Variants in ZBTB49 observed in about 807,000 individuals in gnomAD.
ZBTB49 encodes zinc finger and BTB domain containing 49.
ZBTB49 carries 43 observed loss-of-function variants against 57.5 expected under a neutral mutation model. That is an observed-to-expected ratio of 0.75 (90% CI 0.59 to 0.97). The LOEUF (loss-of-function observed/expected upper bound fraction) is 0.97, where lower values mean the gene tolerates loss of function less well. Among genes scored for constraint, ZBTB49 ranks in the 50% least tolerant of loss-of-function variants. The pLI is 0.00. For synonymous variants in ZBTB49, 369 were observed against 362.1 expected, an observed-to-expected ratio of 1.02 and a Z score of -0.22; for missense variants, 938 against 947.7, an observed-to-expected ratio of 0.99 and a Z score of 0.13.
chr4:4,315,640 G>T lies in ZBTB49; in HGVS notation c.1381G>T (p.Ala461Ser), dbSNP rs186147279. 1 of 1,614,042 alleles carries T rather than the reference G, an allele frequency of 6.2e-7. No homozygotes were observed. The highest frequency in any genetic ancestry group is 1.7e-5 in the Admixed American group (1 of 60,004). The change falls in exon 6 of 8, where the codon GCA becomes TCA. Residue 461 changes from alanine to serine, a missense_variant. By Grantham distance (99) the Ala-to-Ser change is moderately conservative. This residue lies in a region of ZBTB49 where 835 missense variants were observed against 819.1 expected (regional missense o/e 1.02). Transcript: ENST00000337872. ...AATTTTCAAATTACATTCTAGGTTT[G>T]CAGCCTCTGGCGACGTCCAGCGTCA... ...YICEICGKRF[A>S]ASGDVQRHII...
At chr4:4,300,730 G>A (rs559162126) in intron 2 of ZBTB49, among the ~76,000 whole-genome samples, 12 of 151,494 alleles carry the variant, frequency 7.9e-5, no homozygotes, top group Non-Finnish European at 7.4e-5. Context: ...GCAGTGAGCC[G>A]TGGTCATGCC....
intron 7 of ZBTB49, among the ~76,000 whole-genome samples, chr4:4,317,723 C>T (rs1050110456): frequency 6.6e-5 from 10 of 152,212 alleles, no homozygotes; most frequent in Admixed American, 1.3e-4. Flanking sequence ...CTGAGCTTCT[C>T]GGTGTTTCAA....
At position 4,321,180 on chromosome 4, in the gene ZBTB49, A is replaced by G. The variant is rs536676774; in HGVS notation, c.2162A>G (p.Asn721Ser). The stretch of plus-strand genomic sequence containing the variant: ...CGTTCCTCTCTGGCTGCTTTGGACA[A>G]CCACGGCGGTGACCCCCTGGGCAGT... ...MIRSSLAALD[N>S]HGGDPLGSRA... The change falls in exon 8 of 8, where the codon AAC becomes AGC. Residue 721 changes from asparagine to serine, a missense_variant. Transcript: ENST00000337872. The G allele has an allele frequency of 6.2e-7, 1 of 1,614,162 alleles. No homozygotes were observed. Among genetic ancestry groups the G allele is most frequent in the Non-Finnish European group, 8.5e-7 (1 of 1,180,032 alleles).
rs188939008 is a variant in ZBTB49 at position 4,296,352 on chromosome 4, C to T, written c.-19-3575C>T. Among the ~76,000 whole-genome samples, 24 of 152,350 alleles carry T rather than the reference C, an allele frequency of 1.6e-4. No individual in the cohort carries two copies. The East Asian group carries it at 4.4e-3, about 28-fold the overall frequency. On this transcript the variant is annotated intron_variant, in intron 1 of 7. Coordinates refer to ENST00000337872, the MANE Select transcript of ZBTB49 (RefSeq NM_145291.4). The stretch of plus-strand genomic sequence containing the variant: ...ATCTCATTTTGAATTGTAACTCCCA[C>T]AATCCCTGCATGTCATGGGAGGAAC...
chr4:4,321,101 G>A lies in ZBTB49; in HGVS notation c.2083G>A (p.Val695Met). 6.2e-7 allele frequency: 1 copy of A among 1,614,196 alleles called. No individual in the cohort carries two copies. Among genetic ancestry groups the A allele is most frequent in the Non-Finnish European group, 8.5e-7 (1 of 1,180,040 alleles). ...TQPQAYAYSD[V>M]DTPAGGEPLQ... ...GCCTCAGGCCTATGCTTACTCGGAT[G>A]TGGACACCCCAGCCGGTGGCGAACC... The change falls in exon 8 of 8, where the codon GTG becomes ATG. Residue 695 changes from valine (V) to methionine (M), a missense_variant. Val to Met is a conservative substitution (Grantham distance 21, BLOSUM62 1). Around this residue, in one of 3 missense-constraint regions of ZBTB49, gnomAD observed 835 missense variants for 819.1 expected, o/e 1.02. Transcript: ENST00000337872.
chr4:4,313,379 T>C (rs948438550), intron 5 of ZBTB49, among the ~76,000 whole-genome samples: 3 of 152,248 alleles, frequency 2.0e-5, no homozygotes, highest in African/African-American at 7.2e-5. Context: ...CAAAATTATT[T>C]TATACTAATA....
intron 5 of ZBTB49, among the ~76,000 whole-genome samples, chr4:4,314,928 C>T (rs1227078657): frequency 1.3e-5 from 2 of 152,222 alleles, no homozygotes; most frequent in Non-Finnish European, 2.9e-5. Flanking sequence ...TAACCGATCA[C>T]CTGCACACAG....
At position 4,320,641 on chromosome 4, in the gene ZBTB49, G is replaced by A. The variant is rs144446639; in HGVS notation, c.1623G>A (p.Gly541=). The A allele has an allele frequency of 3.9e-3, 6,367 of 1,612,830 alleles. 16 individuals are homozygous for A. The highest frequency in any genetic ancestry group is 4.6e-3 in the Non-Finnish European group (5,441 of 1,179,738). ...GERPYSCSAC[G]KCFGGSGDLR... ...AAATAACTGTTTTTCTTTTTCCAGG[G>A]AAATGTTTTGGGGGATCAGGTGACC... The change falls in exon 8 of 8, where the codon GGG becomes GGA. Residue 541 remains glycine, a splice_region_variant and synonymous_variant. Coordinates refer to ENST00000337872, the MANE Select transcript of ZBTB49 (RefSeq NM_145291.4).
At chr4:4,306,285 A>G (rs1720732210) in intron 4 of ZBTB49, 101 bp downstream of exon 4, 2 of 960,626 alleles carry the variant, frequency 2.1e-6, no homozygotes, top group Non-Finnish European at 3.3e-6. Flanking sequence ...AGAAGCCTCT[A>G]ATGATGTCTG....
At chr4:4,293,132 T>C (rs974788173) in intron 1 of ZBTB49, among the ~76,000 whole-genome samples, 1 of 152,202 alleles carries the variant, frequency 6.6e-6, no homozygotes, top group African/African-American at 2.4e-5. Flanking sequence ...CATCCAGAAA[T>C]ATGTATTGAG....
In ZBTB49 at chr4:4,298,813, G is replaced by A. The variant is rs563450897; in HGVS notation, c.-19-1114G>A. ...CTCTTCCATAAATCATCCCCTACTA[G>A]ACTGCGCCCTAGACATCCAAGACCG... is the stretch of plus-strand genomic sequence containing the variant. On this transcript the variant is annotated intron_variant, in intron 1 of 7. Coordinates refer to ENST00000337872, the MANE Select transcript of ZBTB49 (RefSeq NM_145291.4). Among the ~76,000 whole-genome samples the A allele has an allele frequency of 3.9e-5, 6 of 152,240 alleles. No individual in the cohort carries two copies. In the South Asian group the frequency reaches 1.2e-3, roughly 32 times the overall value.
At chr4:4,292,405 C>T (rs1318037077) in intron 1 of ZBTB49, among the ~76,000 whole-genome samples, 3 of 152,190 alleles carry the variant, frequency 2.0e-5, no homozygotes, top group East Asian at 1.9e-4. Context: ...CAGTGCCTAG[C>T]GCATAATGGG....
intron 1 of ZBTB49, among the ~76,000 whole-genome samples, chr4:4,293,793 C>T (rs1264781582): frequency 6.6e-6 from 1 of 152,224 alleles, no homozygotes; most frequent in Non-Finnish European, 1.5e-5. Flanking sequence ...AGCTGGGCAT[C>T]TTACAGGTGG....
chr4:4,302,013 C>A lies in ZBTB49; in HGVS notation c.177C>A (p.Ser59Arg). The change falls in exon 3 of 8, where the codon AGC (serine) becomes AGA (arginine). Residue 59 changes from serine to arginine, a missense_variant. Physicochemically the swap from Ser to Arg is moderately radical, Grantham distance 110. Around this residue, in one of 3 missense-constraint regions of ZBTB49, gnomAD observed 100 missense variants for 112.5 expected, o/e 0.89. Coordinates refer to ENST00000337872, the MANE Select transcript of ZBTB49 (RefSeq NM_145291.4). ...YFRSLFQNSSSQKNDVFHLDV... is the reference protein window; with the variant it reads ...YFRSLFQNSSRQKNDVFHLDV... ...GGAGCCTCTTTCAGAATTCTTCAAG[C>A]CAGAAGAATGATGTTTTTCACTTGG... The A allele has an allele frequency of 6.4e-7, 1 of 1,571,348 alleles. No homozygotes were observed. Among genetic ancestry groups the A allele is most frequent in the Non-Finnish European group, 8.6e-7 (1 of 1,156,208 alleles).
At chr4:4,291,924 A>G (rs1038090737) in intron 1 of ZBTB49, among the ~76,000 whole-genome samples, 3 of 152,114 alleles carry the variant, frequency 2.0e-5, no homozygotes, top group African/African-American at 7.2e-5. Context: ...AGGTCAAGAG[A>G]TAGAGACCAG....
rs138724136 is a variant in ZBTB49, at chr4:4,302,895, T to A, written c.1059T>A (p.Ala353=). ...NTLEKASSQS[A]EEKESEEVVS... is the part of the protein sequence containing the mutation. ...TAGAGAAAGCTAGCAGCCAAAGTGC[T>A]GAAGAAAAAGAAAGTGAAGAAGTCG... The change falls in exon 3 of 8, where the codon GCT becomes GCA. Residue 353 remains alanine, a synonymous_variant. Coordinates refer to ENST00000337872, the MANE Select transcript of ZBTB49 (RefSeq NM_145291.4). 708 of 1,614,110 alleles carry A rather than the reference T, an allele frequency of 4.4e-4. 1 individual carries two copies. Among genetic ancestry groups the A allele is most frequent in the Non-Finnish European group, 5.6e-4 (662 of 1,180,000 alleles).
chr4:4,304,853 T>C lies in ZBTB49; in HGVS notation c.1256-1285T>C, dbSNP rs141740950. On this transcript the variant is annotated intron_variant, in intron 3 of 7. Coordinates refer to ENST00000337872, the MANE Select transcript of ZBTB49 (RefSeq NM_145291.4). ...GCCTGTGAAGTGTGTATTTACCTGTTCTAAAGGTCACTCTGTTTTCATTTC... is the reference window on the plus strand; with the variant it reads ...GCCTGTGAAGTGTGTATTTACCTGTCCTAAAGGTCACTCTGTTTTCATTTC... Among the ~76,000 whole-genome samples, 309 of 152,308 alleles carry C rather than the reference T, an allele frequency of 2.0e-3. 4 individuals are homozygous for C. The highest frequency in any genetic ancestry group is 6.6e-3 in the African/African-American group (276 of 41,554).
Position 4,303,033 on chromosome 4 carries a change from A to T in ZBTB49, c.1197A>T (p.Leu399Phe), listed in dbSNP as rs1296112045. The T allele has an allele frequency of 6.2e-7, 1 of 1,613,566 alleles. No homozygotes were observed. Among genetic ancestry groups the T allele is most frequent in the South Asian group, 1.1e-5 (1 of 90,934 alleles). Reference sequence around the variant, plus strand: ...CCCAGAGACAATACGCGTGTGAATTATGCGGGAAACCTTTTAAACACCCAA... The same window carrying T: ...CCCAGAGACAATACGCGTGTGAATTTTGCGGGAAACCTTTTAAACACCCAA... ...LQSQRQYACE[L>F]CGKPFKHPSN... The change falls in exon 3 of 8, where the codon TTA (leucine) becomes TTT (phenylalanine). Residue 399 changes from leucine to phenylalanine, a missense_variant. Around this residue, in one of 3 missense-constraint regions of ZBTB49, gnomAD observed 835 missense variants for 819.1 expected, o/e 1.02. Transcript: ENST00000337872.
chr4:4,302,820 G>A lies in ZBTB49; in HGVS notation c.984G>A (p.Lys328=). The change falls in exon 3 of 8, where the codon AAG becomes AAA. Residue 328 remains lysine, a synonymous_variant. Transcript: ENST00000337872. ...ACGCAGAGCAAGTATCTGAACCCAA[G>A]TCAGATGATGGTTTGACAAAGAGGT... The part of the protein sequence containing the change: ...QKYAEQVSEP[K]SDDGLTKRLE... 6.2e-7 allele frequency: 1 copy of A among 1,614,024 alleles called. No individual in the cohort carries two copies. The highest frequency in any genetic ancestry group is 8.5e-7 in the Non-Finnish European group (1 of 1,179,934).
Sources: gnomAD v4.1 joint callset for allele counts (sites outside exome capture counted in the v4.1 genomes callset) on GRCh38, gnomAD v4.1.1 for gene constraint, gnomAD v4.1.1 regional missense constraint, MANE v1.5 for transcripts, NCBI Gene and HGNC (gene_info 2026-07-23, HGNC 2026-07-21) for gene names.